Variants in CNTN5 observed in about 807,000 individuals in gnomAD.
CNTN5 encodes the protein contactin 5, also known as contactin-5.
In CNTN5, 77 loss-of-function variants were observed where a neutral mutation model predicts 129.1. The ratio of observed to expected loss-of-function variants is 0.60; its 90% confidence interval spans 0.50 to 0.72. CNTN5 has a LOEUF of 0.72. Ranked by LOEUF, CNTN5 falls within the 30% of genes least tolerant of loss-of-function variation. CNTN5 has a pLI of 0.00. For synonymous variants in CNTN5, 509 were observed against 465.6 expected (o/e 1.09, Z -1.20); for missense variants, 1,478 against 1,328.8 (o/e 1.11, Z -1.75).
intron 3 of CNTN5, among the ~76,000 whole-genome samples, chr11:99,682,154 G>T (rs979496084): frequency 1.3e-5 from 2 of 151,946 alleles, no homozygotes; most frequent in African/African-American, 4.8e-5. Flanking sequence ...AAAATGTCCT[G>T]GTGAAACTTC....
intron 15 of CNTN5, among the ~76,000 whole-genome samples, chr11:100,211,492 T>A (rs1591396929): frequency 1.3e-5 from 2 of 151,866 alleles, no homozygotes; most frequent in Admixed American, 6.6e-5. Context: ...AAGTGGGGAT[T>A]TTTTTTTACC....
At chr11:99,842,387 C>T (rs966599702) in intron 4 of CNTN5, among the ~76,000 whole-genome samples, 3 of 152,136 alleles carry the variant, frequency 2.0e-5, no homozygotes, top group Non-Finnish European at 2.9e-5. Context: ...TTATTCAGTG[C>T]TTGCAATATA....
chr11:99,789,078 C>CA (rs1005455683), intron 3 of CNTN5, among the ~76,000 whole-genome samples: 20 of 150,344 alleles, frequency 1.3e-4, no homozygotes, highest in Admixed American at 2.6e-4. Flanking sequence ...AAGAAACAAA[C>CA]AAAAAAAAAT....
chr11:100,001,989 T>C (rs1360838664), intron 8 of CNTN5, 45 bp from the exon 9 acceptor site: 3 of 1,309,354 alleles, frequency 2.3e-6, no homozygotes, highest in East Asian at 2.5e-5. Flanking sequence ...AAGAAACAAA[T>C]TGTAACATTC....
At chr11:99,740,960 T>A (rs1370142630) in intron 3 of CNTN5, among the ~76,000 whole-genome samples, 1 of 152,188 alleles carries the variant, frequency 6.6e-6, no homozygotes, top group Non-Finnish European at 1.5e-5. Flanking sequence ...ATATTACTAC[T>A]ATTTATTTTT....
chr11:100,148,977 A>T (rs1308322468), intron 13 of CNTN5, among the ~76,000 whole-genome samples: 1 of 152,230 alleles, frequency 6.6e-6, no homozygotes, highest in African/African-American at 2.4e-5. Flanking sequence ...TAGTCGAACA[A>T]AATATTTGTA....
intron 7 of CNTN5, among the ~76,000 whole-genome samples, chr11:99,920,635 C>G (rs962598082): frequency 1.3e-5 from 2 of 152,282 alleles, no homozygotes; most frequent in South Asian, 4.1e-4. Context: ...ACCCTACATA[C>G]AAACCATCAG....
At chr11:99,178,744 C>T (rs1317669240) in intron 1 of CNTN5, among the ~76,000 whole-genome samples, 1 of 151,968 alleles carries the variant, frequency 6.6e-6, no homozygotes, top group East Asian at 1.9e-4. Flanking sequence ...TAATTTCATT[C>T]ATCTATAAAA....
intron 1 of CNTN5, among the ~76,000 whole-genome samples, chr11:99,223,610 G>A (rs1565415888): frequency 6.6e-6 from 1 of 152,098 alleles, no homozygotes; most frequent in East Asian, 1.9e-4. Flanking sequence ...CAATGCTTGA[G>A]CCCTGTTTGC....
rs78060106 is a variant in CNTN5 at position 99,662,900 on chromosome 11, G to A, written c.55+106631G>A. ...ATAATTTGAGAAGCTCTGCTCTAGA[G>A]GACAAAAACTCTCTTAAGTAGAAAT... is the stretch of plus-strand genomic sequence containing the variant. On this transcript the variant is annotated intron_variant, in intron 3 of 24. Coordinates refer to ENST00000524871, the MANE Select transcript of CNTN5 (RefSeq NM_014361.4). Among the ~76,000 whole-genome samples, 641 of 152,236 alleles carry A rather than the reference G, an allele frequency of 4.2e-3. 21 individuals are homozygous for A. The East Asian group carries it at 0.092, about 22-fold the overall frequency.
intron 1 of CNTN5, among the ~76,000 whole-genome samples, chr11:99,160,482 T>C (rs1268903707): frequency 6.6e-6 from 1 of 152,204 alleles, no homozygotes; most frequent in Non-Finnish European, 1.5e-5. Context: ...TAGTCTCCAA[T>C]TTTTACACTG....
chr11:99,380,539 G>A (rs1200308717), intron 2 of CNTN5, among the ~76,000 whole-genome samples: 1 of 152,084 alleles, frequency 6.6e-6, no homozygotes, highest in Non-Finnish European at 1.5e-5. Flanking sequence ...GGAGGCTGAG[G>A]TAGGTGGATC....
intron 13 of CNTN5, among the ~76,000 whole-genome samples, chr11:100,108,081 AAT>A (rs1050333737): frequency 2.0e-5 from 3 of 151,656 alleles, no homozygotes; most frequent in African/African-American, 7.3e-5. Flanking sequence ...CTTGTGTATA[AAT>A]AAAGGAGTGA....
chr11:99,299,553 G>A (rs1367440661), intron 1 of CNTN5, among the ~76,000 whole-genome samples: 1 of 152,122 alleles, frequency 6.6e-6, no homozygotes, highest in African/African-American at 2.4e-5. Context: ...GAGTCTCAAA[G>A]ACATGTGGAA....
chr11:99,131,984 T>TGA lies in CNTN5; in HGVS notation c.-210+110714_-210+110715insGA, dbSNP rs1161403222. 1.2e-4 allele frequency among the ~76,000 whole-genome samples: 18 copies of TGA among 152,212 alleles called. No individual in the cohort carries two copies. The East Asian group carries it at 1.9e-3, about 16-fold the overall frequency. On this transcript the variant is annotated intron_variant, in intron 1 of 24. Transcript: ENST00000524871. ...TCAGGCCGACATCCCTGATGAACAT[T>TGA]TATGCAAAAATCCTCAATAAAATAG... is the stretch of plus-strand genomic sequence containing the variant.
At chr11:99,452,342 A>G (rs1021508419) in intron 2 of CNTN5, among the ~76,000 whole-genome samples, 6 of 148,906 alleles carry the variant, frequency 4.0e-5, no homozygotes, top group African/African-American at 1.5e-4. Flanking sequence ...CAGCTAAAGA[A>G]AAAATTGAAG....
At chr11:99,296,680 G>A (rs1312163382) in intron 1 of CNTN5, among the ~76,000 whole-genome samples, 1 of 152,192 alleles carries the variant, frequency 6.6e-6, no homozygotes. Context: ...GGCCAGGAAA[G>A]TGGTTTCTGG....
At chr11:99,682,262 T>C (rs1953589185) in intron 3 of CNTN5, among the ~76,000 whole-genome samples, 1 of 151,946 alleles carries the variant, frequency 6.6e-6, no homozygotes, top group South Asian at 2.1e-4. Flanking sequence ...GTAAGTTTTA[T>C]ACATTCTGGC....
intron 9 of CNTN5, among the ~76,000 whole-genome samples, chr11:100,032,824 A>G (rs967357174): frequency 8.5e-5 from 13 of 152,122 alleles, no homozygotes; most frequent in African/African-American, 2.9e-4. Flanking sequence ...AAAGAATGTC[A>G]TTTTTCCAGT....
Sources: gnomAD v4.1 joint callset for allele counts (sites outside exome capture counted in the v4.1 genomes callset) on GRCh38, gnomAD v4.1.1 for gene constraint, MANE v1.5 for transcripts, NCBI Gene and HGNC (gene_info 2026-07-23, HGNC 2026-07-21) for gene names.